Variants in EVPL observed in about 807,000 individuals in gnomAD.
EVPL encodes the protein envoplakin, also known as 210 kDa cornified envelope precursor protein.
Under a neutral mutation model 129.7 loss-of-function variants are expected in EVPL, and 94 were observed. The observed-to-expected ratio is 0.72, with a 90% CI of 0.61 to 0.86. The LOEUF (loss-of-function observed/expected upper bound fraction) is 0.86. EVPL is among the 40% of genes least tolerant of loss of function. The pLI is 0.00. For synonymous variants in EVPL, 1,172 were observed against 1,191.1 expected (o/e 0.98, Z 0.33); for missense variants, 2,625 against 2,721.1 (o/e 0.96, Z 0.79).
chr17:76,021,596 G>GCCCCCCCCCCCCCCCCCCCCCCCCC (rs200115767), intron 8 of EVPL, 33 bp from the exon 9 acceptor site: 1 of 1,299,620 alleles, frequency 7.7e-7, no homozygotes, highest in Admixed American at 2.2e-5. Context: ...CTCGGACCAC[G>GCCCCCCCCCCCCCCCCCCCCCCCCC]CCCCCCCCAC....
In EVPL at chr17:76,021,930, G is replaced by A; in HGVS notation, c.744C>T (p.Arg248=). The stretch of plus-strand genomic sequence containing the variant: ...GGTCGCTCCAGTCCTGCTGCAGGAT[G>A]CGGCGCTGCTGCTCAGCCAGGGCGC... ...QLSALAEQQR[R]ILQQDWSDLM... Residue 248 remains arginine, a synonymous_variant, in exon 7 of 22, where the codon CGC becomes CGT. Transcript: ENST00000301607. 1 of 1,558,296 alleles carries A rather than the reference G, an allele frequency of 6.4e-7. No homozygotes were observed. The highest frequency in any genetic ancestry group is 8.6e-7 in the Non-Finnish European group (1 of 1,159,080).
chr17:76,008,940 A>C lies in EVPL; in HGVS notation c.4265T>G (p.Leu1422Arg). ...GCTGCGGTCCTCCTGGAAGCTGAGC[A>C]GGCCCTCCTGCTCCTCCACGCCGGC... ...LRAGVEEQEGLLSFQEDRSKK... is the reference protein window; with the variant it reads ...LRAGVEEQEGRLSFQEDRSKK... Residue 1422 changes from leucine to arginine, a missense_variant, in exon 22 of 22, where the codon CTG (leucine) becomes CGG (arginine). Transcript: ENST00000301607. This position sits in a 1 kb window ranked among gnomAD's most constrained non-coding sequence, Gnocchi z 7.4. 1 of 1,612,318 alleles carries C rather than the reference A, an allele frequency of 6.2e-7. No homozygotes were observed. Among genetic ancestry groups the C allele is most frequent in the Non-Finnish European group, 8.5e-7 (1 of 1,179,966 alleles).
In EVPL at chr17:76,011,886, A is replaced by G. The variant is rs2066379911; in HGVS notation, c.2458-4T>C. 6.2e-7 allele frequency: 1 copy of G among 1,613,048 alleles called. No individual in the cohort carries two copies. The highest frequency in any genetic ancestry group is 2.2e-5 in the East Asian group (1 of 44,852). On this transcript the variant is annotated splice_region_variant and splice_polypyrimidine_tract_variant and intron_variant, in intron 19 of 21. Transcript: ENST00000301607. ...TGTCTGCCTGGAGCTCATAGTCCTGAGCAGGGAGGAAAGGACAGCAGGCTG... is the reference window on the plus strand; with the variant it reads ...TGTCTGCCTGGAGCTCATAGTCCTGGGCAGGGAGGAAAGGACAGCAGGCTG...
intron 10 of EVPL, among the ~76,000 whole-genome samples, 158 bp from the exon 11 acceptor site, chr17:76,019,218 T>C (rs535183129): frequency 1.3e-5 from 2 of 152,104 alleles, no homozygotes; most frequent in South Asian, 2.1e-4. Context: ...GGACCTAGGA[T>C]CCTGGGATCT....
Position 76,011,077 on chromosome 17 carries a change from CA to C in EVPL, c.2661+498del, listed in dbSNP as rs200556064. ...ACTCCGTCTCAAAAAAAACAAAAAA[CA>C]AAAAAAAAGTGCAAACAGGACAGGT... On this transcript the variant is annotated intron_variant, in intron 21 of 21. Coordinates refer to ENST00000301607, the MANE Select transcript of EVPL (RefSeq NM_001988.4). Among the ~76,000 whole-genome samples the C allele has an allele frequency of 5.6e-4, 85 of 151,240 alleles. No individual in the cohort carries two copies. In the East Asian group the frequency reaches 0.011, roughly 19 times the overall value.
In EVPL at chr17:76,017,735, C is replaced by T; in HGVS notation, c.1710+4G>A. On this transcript the variant is annotated splice_donor_region_variant and intron_variant, in intron 14 of 21. Coordinates refer to ENST00000301607, the MANE Select transcript of EVPL (RefSeq NM_001988.4). ...CCAGCCGCCCCTTCCCGCTGCTCACCCACCTCATGGCTGTGGATGCGGCCC... is the reference window on the plus strand; with the variant it reads ...CCAGCCGCCCCTTCCCGCTGCTCACTCACCTCATGGCTGTGGATGCGGCCC... The T allele has an allele frequency of 6.2e-7, 1 of 1,609,518 alleles. No individual in the cohort carries two copies. Among genetic ancestry groups the T allele is most frequent in the Non-Finnish European group, 8.5e-7 (1 of 1,178,212 alleles).
chr17:76,025,773 C>T (rs1281170157), intron 1 of EVPL, among the ~76,000 whole-genome samples: 2 of 152,244 alleles, frequency 1.3e-5, no homozygotes, highest in Non-Finnish European at 2.9e-5. Context: ...ATCTCGACAC[C>T]CTGGACCCAG....
Position 76,022,554 on chromosome 17 carries a change from C to T in EVPL, c.481-16G>A, listed in dbSNP as rs926317759. The stretch of plus-strand genomic sequence containing the variant: ...AGACCTGCTTCTGCAGGAGAGCCGG[C>T]GGCTCAGTCCCCAAAGGACCGCGGT... On this transcript the variant is annotated splice_polypyrimidine_tract_variant and intron_variant, in intron 4 of 21. Transcript: ENST00000301607. The surrounding 1 kb of genome is among the most constrained non-coding windows in gnomAD (Gnocchi z 5.6). The T allele has an allele frequency of 3.8e-6, 6 of 1,592,324 alleles. No homozygotes were observed. The African/African-American group carries it at 4.0e-5, about 11-fold the overall frequency.
Position 76,009,159 on chromosome 17 carries a change from T to A in EVPL, c.4046A>T (p.Asp1349Val). Reference sequence around the variant, plus strand: ...CTTGCTCTGCAGCTCGTACACCGCGTCCTCCGCGGCCCGCCTCTTCTGGGC... The same window carrying A: ...CTTGCTCTGCAGCTCGTACACCGCGACCTCCGCGGCCCGCCTCTTCTGGGC... ...EAAQKRRAAE[D>V]AVYELQSKRL... The change falls in exon 22 of 22, where the codon GAC (aspartate) becomes GTC (valine). Residue 1349 changes from aspartate to valine, a missense_variant. By Grantham distance (152) the Asp-to-Val change is radical. Transcript: ENST00000301607. This position sits in a 1 kb window ranked among gnomAD's most constrained non-coding sequence, Gnocchi z 5.9. The A allele has an allele frequency of 3.1e-6, 5 of 1,608,884 alleles. No individual in the cohort carries two copies. Among genetic ancestry groups the A allele is most frequent in the Non-Finnish European group, 4.2e-6 (5 of 1,179,804 alleles).
intron 14 of EVPL, among the ~76,000 whole-genome samples, chr17:76,016,534 G>C (rs149633471): frequency 4.3e-4 from 65 of 152,328 alleles, no homozygotes; most frequent in African/African-American, 1.4e-3. Flanking sequence ...GGGATTGTTT[G>C]AGACCAGGAG....
In EVPL at chr17:76,009,664, T is replaced by C. The variant is rs758317834; in HGVS notation, c.3541A>G (p.Ser1181Gly). Residue 1181 changes from serine to glycine, a missense_variant, in exon 22 of 22, where the codon AGC becomes GGC. This residue lies in a region of EVPL where 1,453 missense variants were observed against 1,511.8 expected (regional missense o/e 0.96). Coordinates refer to ENST00000301607, the MANE Select transcript of EVPL (RefSeq NM_001988.4). This position sits in a 1 kb window ranked among gnomAD's most constrained non-coding sequence, Gnocchi z 5.9. ...TTGGGCCTCTGCTTCTCCACCACGCTGTACTTGCTGTGCAGGTCGCTCAGC... is the reference window on the plus strand; with the variant it reads ...TTGGGCCTCTGCTTCTCCACCACGCCGTACTTGCTGTGCAGGTCGCTCAGC... ...RELSDLHSKY[S>G]VVEKQRPKVQ... is the part of the protein sequence containing the mutation. 10 of 1,613,710 alleles carry C rather than the reference T, an allele frequency of 6.2e-6. No individual in the cohort carries two copies. In the South Asian group the frequency reaches 1.1e-4, roughly 18 times the overall value.
chr17:76,009,194 C>T lies in EVPL; in HGVS notation c.4011G>A (p.Val1337=). ...EKEAERLRQE[V]REAAQKRRAA... ...CCCGCCTCTTCTGGGCCGCCTCCCG[C>T]ACCTCCTGGCGGAGCCGCTCTGCTT... The change falls in exon 22 of 22, where the codon GTG becomes GTA. Residue 1337 remains valine (V), a synonymous_variant. Transcript: ENST00000301607. This position sits in a 1 kb window ranked among gnomAD's most constrained non-coding sequence, Gnocchi z 5.9. 6.2e-7 allele frequency: 1 copy of T among 1,610,408 alleles called. No individual in the cohort carries two copies.
chr17:76,017,623 C>T, intron 14 of EVPL, 116 bp downstream of exon 14: 2 of 1,423,274 alleles, frequency 1.4e-6, no homozygotes, highest in Non-Finnish European at 1.9e-6. Context: ...TCTGTCCACA[C>T]CCTTCTCCAT....
rs569510252 is a variant in EVPL, at chr17:76,009,778, C to G, written c.3427G>C (p.Glu1143Gln). Reference sequence around the variant, plus strand: ...TCCTGGAGGAGCCCTGGGTCCTGCTCCACCTTCTTCACCTCCTTCACGATG... The same window carrying G: ...TCCTGGAGGAGCCCTGGGTCCTGCTGCACCTTCTTCACCTCCTTCACGATG... Reference protein sequence around the residue: ...KVIVKEVKKVEQDPGLLQESS... With the variant: ...KVIVKEVKKVQQDPGLLQESS... The change falls in exon 22 of 22, where the codon GAG becomes CAG. Residue 1143 changes from glutamate to glutamine, a missense_variant. Physicochemically the swap from Glu to Gln is conservative, Grantham distance 29. Transcript: ENST00000301607. The surrounding 1 kb of genome is among the most constrained non-coding windows in gnomAD (Gnocchi z 5.9). 6.2e-7 allele frequency: 1 copy of G among 1,613,820 alleles called. No homozygotes were observed. The highest frequency in any genetic ancestry group is 1.1e-5 in the South Asian group (1 of 91,070).
rs112818053 is a variant in EVPL at position 76,019,959 on chromosome 17, C to G, written c.1012-306G>C. On this transcript the variant is annotated intron_variant, in intron 9 of 21. Coordinates refer to ENST00000301607, the MANE Select transcript of EVPL (RefSeq NM_001988.4). ...ATCTAAACCAGCTAAACACAAACCA[C>G]CTAAACCGAAACCAGCTAAACCTAA... 8.2e-3 allele frequency among the ~76,000 whole-genome samples: 1,226 copies of G among 150,048 alleles called. 14 individuals carry two copies. The highest frequency in any genetic ancestry group is 0.028 in the African/African-American group (1,102 of 39,752).
In EVPL at chr17:76,008,828, C is replaced by T. The variant is rs1388524823; in HGVS notation, c.4377G>A (p.Lys1459=). The change falls in exon 22 of 22, where the codon AAG becomes AAA. Residue 1459 remains lysine, a synonymous_variant. Transcript: ENST00000301607. This position sits in a 1 kb window ranked among gnomAD's most constrained non-coding sequence, Gnocchi z 7.4. ...GCTTGACCACTTCCTCCATGATGAT[C>T]TTCTCCTGCACCGTGGGAGGCCGCT... is the stretch of plus-strand genomic sequence containing the variant. ...LEKRPPTVQE[K]IIMEEVVKLE... is the part of the protein sequence containing the mutation. 3 of 1,614,030 alleles carry T rather than the reference C, an allele frequency of 1.9e-6. No individual in the cohort carries two copies. The highest frequency in any genetic ancestry group is 2.5e-6 in the Non-Finnish European group (3 of 1,180,026).
rs200729306 is a variant in EVPL, at chr17:76,011,764, C to T, written c.2568+8G>A. On this transcript the variant is annotated splice_region_variant and intron_variant, in intron 20 of 21. Transcript: ENST00000301607. ...AGGTCCACTGAGCCCCGCAAGGTCCCATCTCACCTGGGCTTGGATGCTCTC... is the reference window on the plus strand; with the variant it reads ...AGGTCCACTGAGCCCCGCAAGGTCCTATCTCACCTGGGCTTGGATGCTCTC... The T allele has an allele frequency of 5.3e-5, 86 of 1,611,662 alleles. 1 individual carries two copies. The highest frequency in any genetic ancestry group is 6.7e-5 in the Non-Finnish European group (79 of 1,178,286).
In EVPL at chr17:76,010,120, C is replaced by G; in HGVS notation, c.3085G>C (p.Asp1029His). Residue 1029 changes from aspartate to histidine, a missense_variant, in exon 22 of 22, where the codon GAC (aspartate) becomes CAC (histidine). Asp to His is a moderately conservative substitution (Grantham distance 81). Around this residue, in one of 4 missense-constraint regions of EVPL, gnomAD observed 1,453 missense variants for 1,511.8 expected, o/e 0.96. Transcript: ENST00000301607. ...ATCCTGAGCTGGGCCGCCTGGCTGT[C>G]CAGGCCGGGGTCCCTCTCCACCTGG... is the stretch of plus-strand genomic sequence containing the variant. ...VTQVERDPGL[D>H]SQAAQLRIQI... The G allele has an allele frequency of 2.5e-6, 4 of 1,614,108 alleles. No individual in the cohort carries two copies. The highest frequency in any genetic ancestry group is 1.7e-6 in the Non-Finnish European group (2 of 1,180,034).
intron 18 of EVPL, 37 bp downstream of exon 18, chr17:76,014,389 A>T (rs912819585): frequency 6.3e-7 from 1 of 1,587,470 alleles, no homozygotes; most frequent in Non-Finnish European, 8.6e-7. Flanking sequence ...CTAGGGGGCC[A>T]CATGGGCACA....
Sources: gnomAD v4.1 joint callset for allele counts (sites outside exome capture counted in the v4.1 genomes callset) on GRCh38, gnomAD v4.1.1 for gene constraint, gnomAD v4.1.1 regional missense constraint, Gnocchi (gnomAD v3.1) non-coding constraint, MANE v1.5 for transcripts, NCBI Gene and HGNC (gene_info 2026-07-23, HGNC 2026-07-21) for gene names.